Variants in SSH2 observed in about 807,000 individuals in gnomAD.
The protein encoded by SSH2 is protein phosphatase Slingshot homolog 2.
SSH2 carries 37 observed loss-of-function variants against 135.2 expected under a neutral mutation model. That is an observed-to-expected ratio of 0.27 (90% CI 0.21 to 0.36). SSH2 has a LOEUF of 0.36. Ranked by LOEUF, SSH2 falls within the 10% of genes least tolerant of loss-of-function variation. The pLI, the probability that SSH2 is intolerant of heterozygous loss-of-function variation, is 1.00. For missense variants in SSH2, 1,408 were observed against 1,765.3 expected, an observed-to-expected ratio of 0.80 and a Z score of 3.63; for synonymous variants, 628 against 646.2, an observed-to-expected ratio of 0.97 and a Z score of 0.43.
At chr17:29,845,232 T>C (rs572944302) in intron 2 of SSH2, among the ~76,000 whole-genome samples, 5 of 152,346 alleles carry the variant, frequency 3.3e-5, no homozygotes, top group African/African-American at 1.2e-4. Flanking sequence ...CTTATCAAGA[T>C]CCCATACCAC....
At chr17:29,757,092 C>A (rs1308330577) in intron 3 of SSH2, among the ~76,000 whole-genome samples, 3 of 152,132 alleles carry the variant, frequency 2.0e-5, no homozygotes, top group Non-Finnish European at 2.9e-5. Context: ...TACTCCCTCC[C>A]CCAAATACAA....
At chr17:29,775,857 C>T (rs1194860385) in intron 3 of SSH2, 1 of 152,214 alleles carries the variant, frequency 6.6e-6, no homozygotes, top group Non-Finnish European at 1.5e-5. Flanking sequence ...TTCAAATACT[C>T]TGTGTTCCAG....
chr17:29,646,968 A>T (rs890654820), intron 14 of SSH2, among the ~76,000 whole-genome samples: 2 of 147,068 alleles, frequency 1.4e-5, no homozygotes, highest in African/African-American at 2.5e-5. Context: ...GATGGTACTT[A>T]TTTTTTTTTT....
intron 2 of SSH2, among the ~76,000 whole-genome samples, chr17:29,843,895 C>A (rs2043087214): frequency 6.6e-6 from 1 of 152,174 alleles, no homozygotes; most frequent in African/African-American, 2.4e-5. Flanking sequence ...TGTTAAAAAT[C>A]CCATAGAAGC....
chr17:29,789,158 T>G (rs1321213550), intron 3 of SSH2, among the ~76,000 whole-genome samples: 1 of 151,796 alleles, frequency 6.6e-6, no homozygotes, highest in Non-Finnish European at 1.5e-5. Context: ...GGTGAAGGAG[T>G]GGTTTGGCTC....
intron 1 of SSH2, among the ~76,000 whole-genome samples, chr17:29,877,031 AT>A (rs2066046635): frequency 6.6e-6 from 1 of 152,210 alleles, no homozygotes; most frequent in Admixed American, 6.5e-5. Context: ...AGGAAAAAAA[AT>A]CTAATAATCC....
intron 14 of SSH2, 72 bp downstream of exon 14, chr17:29,648,072 A>C: frequency 7.3e-7 from 1 of 1,371,346 alleles, no homozygotes. Flanking sequence ...AGAAGTAGCT[A>C]CAGAGAAGGA....
At chr17:29,823,431 C>A (rs2042687709) in intron 2 of SSH2, among the ~76,000 whole-genome samples, 1 of 152,152 alleles carries the variant, frequency 6.6e-6, no homozygotes, top group Non-Finnish European at 1.5e-5. Context: ...GTGGATGATG[C>A]CTTCCTTACA....
intron 1 of SSH2, among the ~76,000 whole-genome samples, chr17:29,909,081 GA>G (rs970977016): frequency 2.8e-4 from 40 of 145,362 alleles, no homozygotes; most frequent in Admixed American, 2.7e-4. Context: ...CGTCTCAAAG[GA>G]AAAAAAAAAA....
chr17:29,820,540 C>A (rs776919086), intron 2 of SSH2, among the ~76,000 whole-genome samples: 3 of 152,142 alleles, frequency 2.0e-5, no homozygotes, highest in Admixed American at 6.5e-5. Context: ...ATAGGAAATA[C>A]AATACTACTT....
rs149608297 is a variant in SSH2 at position 29,744,777 on chromosome 17, C to T, written c.189-41715G>A. On this transcript the variant is annotated intron_variant, in intron 3 of 15. Coordinates refer to ENST00000540801, the MANE Select transcript of SSH2 (RefSeq NM_001282129.2). ...TGTGTCATGGGAATAACCCTGCCTACGACGTGATGCTGATGTAATAATAAT... is the reference window on the plus strand; with the variant it reads ...TGTGTCATGGGAATAACCCTGCCTATGACGTGATGCTGATGTAATAATAAT... Among the ~76,000 whole-genome samples the T allele has an allele frequency of 1.2e-4, 18 of 152,006 alleles. No individual in the cohort carries two copies. The East Asian group carries it at 2.7e-3, about 23-fold the overall frequency.
chr17:29,635,028 G>A (rs1217738448), intron 15 of SSH2, among the ~76,000 whole-genome samples: 3 of 151,804 alleles, frequency 2.0e-5, no homozygotes, highest in African/African-American at 7.3e-5. Flanking sequence ...TCAGCCTCCT[G>A]AGTAGCTGGG....
chr17:29,906,093 G>A (rs529347566), intron 1 of SSH2, among the ~76,000 whole-genome samples: 130 of 152,218 alleles, frequency 8.5e-4, no homozygotes, highest in African/African-American at 2.8e-3. Context: ...GCTCTTCTTC[G>A]TCTTCTTCAC....
At chr17:29,656,981 C>CT (rs888086704) in intron 11 of SSH2, among the ~76,000 whole-genome samples, 1 of 151,996 alleles carries the variant, frequency 6.6e-6, no homozygotes, top group African/African-American at 2.4e-5. Context: ...TCTAGCTACA[C>CT]TTTTTTTTCT....
intron 3 of SSH2, chr17:29,761,409 G>C: frequency 9.4e-7 from 1 of 1,058,992 alleles, no homozygotes; most frequent in Middle Eastern, 4.6e-4. Flanking sequence ...CGAAGCCCCA[G>C]GGCTCGGCGG....
intron 3 of SSH2, among the ~76,000 whole-genome samples, chr17:29,712,586 T>C (rs1259662839): frequency 6.6e-6 from 1 of 152,030 alleles, no homozygotes; most frequent in South Asian, 2.1e-4. Context: ...GGTGGATCAC[T>C]TGAGGTCAGG....
intron 1 of SSH2, among the ~76,000 whole-genome samples, chr17:29,871,915 T>C (rs1460004406): frequency 6.6e-6 from 1 of 152,222 alleles, no homozygotes; most frequent in Non-Finnish European, 1.5e-5. Flanking sequence ...TTTTTTCTTA[T>C]ATTACATATA....
At position 29,707,648 on chromosome 17, in the gene SSH2, C is replaced by T. The variant is rs565771693; in HGVS notation, c.189-4586G>A. Among the ~76,000 whole-genome samples the T allele has an allele frequency of 2.1e-3, 313 of 151,940 alleles. 1 individual carries two copies. The highest frequency in any genetic ancestry group is 1.1e-3 in the Non-Finnish European group (72 of 67,996). ...TCAAACGATTCTCGTGCCTCAGCCTCGCGAACAGCTGGGACTATGGGCATA... is the reference window on the plus strand; with the variant it reads ...TCAAACGATTCTCGTGCCTCAGCCTTGCGAACAGCTGGGACTATGGGCATA... On this transcript the variant is annotated intron_variant, in intron 3 of 15. Coordinates refer to ENST00000540801, the MANE Select transcript of SSH2 (RefSeq NM_001282129.2).
chr17:29,834,997 C>T (rs2042919333), intron 2 of SSH2, among the ~76,000 whole-genome samples: 1 of 152,144 alleles, frequency 6.6e-6, no homozygotes, highest in Admixed American at 6.5e-5. Flanking sequence ...TGGGTCAAAG[C>T]ATTTGATCAT....
Sources: allele counts gnomAD v4.1 joint callset (sites outside exome capture counted in the v4.1 genomes callset), GRCh38; gene constraint gnomAD v4.1.1; transcripts MANE v1.5; gene names NCBI Gene and HGNC (gene_info 2026-07-23, HGNC 2026-07-21).